The following PDE4B variants were observed in gnomAD, a reference collection of about 807,000 sequenced individuals.
PDE4B encodes the protein 3',5'-cyclic-AMP phosphodiesterase 4B.
PDE4B carries 20 observed loss-of-function variants against 82.2 expected under a neutral mutation model. That is an observed-to-expected ratio of 0.24 (90% CI 0.17 to 0.35). The LOEUF is 0.35. Among genes scored for constraint, PDE4B ranks in the 10% least tolerant of loss-of-function variants. The pLI, the probability that PDE4B is intolerant of heterozygous loss-of-function variation, is 1.00. For missense variants in PDE4B, 655 were observed against 907.2 expected, an observed-to-expected ratio of 0.72 and a Z score of 3.57; for synonymous variants, 320 against 318.9, an observed-to-expected ratio of 1.00 and a Z score of -0.04.
intron 7 of PDE4B, among the ~76,000 whole-genome samples, chr1:66,313,261 C>G (rs968107371): frequency 6.6e-6 from 1 of 152,126 alleles, no homozygotes; most frequent in Admixed American, 6.5e-5. Context: ...CATGCCCATC[C>G]AAGGAGAAGT....
At chr1:66,125,701 C>T (rs1645809169) in intron 3 of PDE4B, among the ~76,000 whole-genome samples, 1 of 152,194 alleles carries the variant, frequency 6.6e-6, no homozygotes, top group Admixed American at 6.5e-5. Flanking sequence ...TGAGGACTTA[C>T]TGTAGTCATG....
At chr1:66,244,693 A>G (rs1184275157) in intron 3 of PDE4B, among the ~76,000 whole-genome samples, 1 of 152,174 alleles carries the variant, frequency 6.6e-6, no homozygotes, top group Non-Finnish European at 1.5e-5. Context: ...GCCCCAGGGA[A>G]TATGAAAGGC....
chr1:66,173,252 G>C (rs115553757), intron 3 of PDE4B, among the ~76,000 whole-genome samples: 74 of 152,302 alleles, frequency 4.9e-4, no homozygotes, highest in African/African-American at 1.7e-3. Flanking sequence ...ATGATTGCTT[G>C]TGACAACGCT....
chr1:66,349,671 T>A (rs996980341), intron 8 of PDE4B, among the ~76,000 whole-genome samples: 4 of 152,128 alleles, frequency 2.6e-5, no homozygotes, highest in Non-Finnish European at 5.9e-5. Context: ...AAACTGGACA[T>A]CAAGTTTCAA....
chr1:65,917,577 C>T (rs761198913), intron 2 of PDE4B, among the ~76,000 whole-genome samples: 1 of 152,138 alleles, frequency 6.6e-6, no homozygotes, highest in Non-Finnish European at 1.5e-5. Context: ...CCTCCCACTC[C>T]CAACAATCTC....
At chr1:65,838,909 A>G (rs1485256179) in intron 1 of PDE4B, among the ~76,000 whole-genome samples, 1 of 152,178 alleles carries the variant, frequency 6.6e-6, no homozygotes, top group Non-Finnish European at 1.5e-5. Context: ...TTGCAAGCAC[A>G]GTTTCTGTGG....
chr1:66,155,028 A>G (rs1430785073), intron 3 of PDE4B, among the ~76,000 whole-genome samples: 1 of 152,094 alleles, frequency 6.6e-6, no homozygotes, highest in Admixed American at 6.6e-5. Flanking sequence ...AAATAAGAAA[A>G]TAAGGCAGGA....
intron 3 of PDE4B, among the ~76,000 whole-genome samples, chr1:65,974,339 C>T (rs1650298100): frequency 6.6e-6 from 1 of 152,168 alleles, no homozygotes; most frequent in Non-Finnish European, 1.5e-5. Context: ...ATATTAAGGT[C>T]TCATTGTTAT....
chr1:66,094,042 A>G (rs1645072410), intron 3 of PDE4B, among the ~76,000 whole-genome samples: 1 of 152,098 alleles, frequency 6.6e-6, no homozygotes, highest in Non-Finnish European at 1.5e-5. Context: ...ACATAATCTA[A>G]TAAATTATAA....
Position 66,009,901 on chromosome 1 carries a change from A to G in PDE4B, c.281+91066A>G, listed in dbSNP as rs538752487. 1.5e-3 allele frequency among the ~76,000 whole-genome samples: 165 copies of G among 107,390 alleles called. 2 individuals are homozygous for G. The highest frequency in any genetic ancestry group is 0.014 in the South Asian group (42 of 3,046). 70.5% of individuals were successfully genotyped at this position (107,390 alleles called of 152,430 possible). ...TCTATTTCATATCCATATGATCTGT[A>G]TCTTTATCTATCTATCTATCTATCT... On this transcript the variant is annotated intron_variant, in intron 3 of 16. Coordinates refer to ENST00000341517, the MANE Select transcript of PDE4B (RefSeq NM_002600.4).
Position 65,887,414 on chromosome 1 carries a change from G to GTTTTTT in PDE4B, c.-70-25812_-70-25807dup, listed in dbSNP as rs34263724. 4.7e-3 allele frequency among the ~76,000 whole-genome samples: 36 copies of GTTTTTT among 7,734 alleles called. 13 individuals are homozygous for GTTTTTT. Among genetic ancestry groups the GTTTTTT allele is most frequent in the African/African-American group, 0.014 (18 of 1,322 alleles). The allele number at this position is 7,734 out of a possible 152,430, so 5.1% of individuals were successfully genotyped here. A position where few individuals can be genotyped will look rare whatever the true frequency, so the allele number is the denominator to read the frequency against. On this transcript the variant is annotated intron_variant, in intron 1 of 16. Coordinates refer to ENST00000341517, the MANE Select transcript of PDE4B (RefSeq NM_002600.4). ...TTTTCTTTCTTTTTCTTTTTCTTCTGTTTTTTTTTTTTTTTTTTTTTTTTA... is the reference window on the plus strand; with the variant it reads ...TTTTCTTTCTTTTTCTTTTTCTTCTGTTTTTTTTTTTTTTTTTTTTTTTTTTTTTTA...
chr1:66,069,229 C>A (rs761976105), intron 3 of PDE4B, among the ~76,000 whole-genome samples: 25 of 152,078 alleles, frequency 1.6e-4, no homozygotes, highest in Non-Finnish European at 3.2e-4. Flanking sequence ...CAATCATGTT[C>A]CCATTATTGA....
chr1:65,822,782 C>T (rs1189244232), intron 1 of PDE4B, among the ~76,000 whole-genome samples: 1 of 152,124 alleles, frequency 6.6e-6, no homozygotes, highest in Admixed American at 6.5e-5. Flanking sequence ...GAGATCCAAC[C>T]CTCACCAGAC....
At chr1:66,041,446 C>T (rs762783759) in intron 3 of PDE4B, among the ~76,000 whole-genome samples, 18 of 151,738 alleles carry the variant, frequency 1.2e-4, no homozygotes, top group South Asian at 2.1e-4. Context: ...ACTTCTTGAC[C>T]TCTCTCCTTC....
intron 3 of PDE4B, among the ~76,000 whole-genome samples, chr1:66,222,604 A>G (rs895384475): frequency 6.6e-6 from 1 of 152,216 alleles, no homozygotes; most frequent in Admixed American, 6.6e-5. Context: ...ACTTCATCCA[A>G]ATGTTAACAA....
At chr1:66,101,179 G>C (rs959611050) in intron 3 of PDE4B, among the ~76,000 whole-genome samples, 3 of 152,134 alleles carry the variant, frequency 2.0e-5, no homozygotes, top group Admixed American at 1.3e-4. Flanking sequence ...TTTTATGGCT[G>C]CATAGTATTC....
chr1:66,075,748 T>G lies in PDE4B; in HGVS notation c.281+156913T>G, dbSNP rs144982148. Among the ~76,000 whole-genome samples the G allele has an allele frequency of 4.2e-3, 635 of 152,200 alleles. 3 individuals are homozygous for G. Among genetic ancestry groups the G allele is most frequent in the Non-Finnish European group, 6.7e-3 (457 of 67,992 alleles). Reference sequence around the variant, plus strand: ...CAACGGGAAGAAGACCTCTGGGCTTTGTGAGCTGAACTTTGGCTCATGCTC... The same window carrying G: ...CAACGGGAAGAAGACCTCTGGGCTTGGTGAGCTGAACTTTGGCTCATGCTC... On this transcript the variant is annotated intron_variant, in intron 3 of 16. Coordinates refer to ENST00000341517, the MANE Select transcript of PDE4B (RefSeq NM_002600.4).
chr1:66,368,105 C>CAAACT, intron 15 of PDE4B, 40 bp downstream of exon 15: 1 of 1,599,006 alleles, frequency 6.3e-7, no homozygotes, highest in Middle Eastern at 1.7e-4. Flanking sequence ...AAAACCAAAC[C>CAAACT]AAACTAAGCT....
intron 16 of PDE4B, among the ~76,000 whole-genome samples, chr1:66,371,017 A>C (rs1442846967): frequency 1.4e-5 from 2 of 147,692 alleles, no homozygotes; most frequent in Non-Finnish European, 3.0e-5. Context: ...AAGAAGAATA[A>C]GAAAATATAT....
Sources: gnomAD v4.1 joint callset for allele counts (sites outside exome capture counted in the v4.1 genomes callset) on GRCh38, gnomAD v4.1.1 for gene constraint, MANE v1.5 for transcripts, NCBI Gene and HGNC (gene_info 2026-07-23, HGNC 2026-07-21) for gene names.